The following RAD54B variants were observed in gnomAD, a reference collection of about 807,000 sequenced individuals.
RAD54B encodes the protein RAD54 homolog B.
In RAD54B, 78 loss-of-function variants were observed where a neutral mutation model predicts 95.8. The observed-to-expected ratio is 0.81, with a 90% CI of 0.68 to 0.98. The LOEUF is 0.98. Ranked by LOEUF, RAD54B falls within the 50% of genes least tolerant of loss-of-function variation. The pLI, the probability that RAD54B is intolerant of heterozygous loss-of-function variation, is 0.00. For synonymous variants in RAD54B, 328 were observed against 354.9 expected (o/e 0.92, Z 0.85); for missense variants, 957 against 1,056.6 (o/e 0.91, Z 1.31).
chr8:94,391,761 C>T lies in RAD54B; in HGVS notation c.1657G>A (p.Ala553Thr). ...TTTCGATAAAGCTCAATCTGTAGTG[C>T]TCCTGGTCGGCAAAAGACAACATTC... ...IENVVFCRPG[A>T]LQIELYRKLL... Residue 553 changes from alanine to threonine, a missense_variant, in exon 10 of 15, where the codon GCA (alanine) becomes ACA (threonine). Ala to Thr is a moderately conservative substitution (Grantham distance 58). Transcript: ENST00000336148. 1 of 1,614,026 alleles carries T rather than the reference C, an allele frequency of 6.2e-7. No individual in the cohort carries two copies. The highest frequency in any genetic ancestry group is 1.1e-5 in the South Asian group (1 of 91,068).
At chr8:94,446,634 T>C (rs554228489) in intron 3 of RAD54B, among the ~76,000 whole-genome samples, 1 of 152,352 alleles carries the variant, frequency 6.6e-6, no homozygotes, top group Admixed American at 6.5e-5. Flanking sequence ...TCCTGTCTCC[T>C]ATTTCCCACT....
chr8:94,457,861 T>C (rs1466734436), intron 3 of RAD54B, among the ~76,000 whole-genome samples: 1 of 152,190 alleles, frequency 6.6e-6, no homozygotes, highest in Non-Finnish European at 1.5e-5. Flanking sequence ...GTATGTATCA[T>C]AATAATTCAA....
Position 94,400,414 on chromosome 8 carries a change from T to TCC in RAD54B, c.992_993dup (p.Lys332GlyfsTer24). 1 of 1,613,554 alleles carries TCC rather than the reference T, an allele frequency of 6.2e-7. No individual in the cohort carries two copies. Among genetic ancestry groups the TCC allele is most frequent in the Non-Finnish European group, 8.5e-7 (1 of 1,179,758 alleles). ...ATGAGCGAAATACATTGCAATGTCT[T>TCC]CCCTAAACCCATTTCATCAGCAAGA... is the stretch of plus-strand genomic sequence containing the variant. On this transcript the variant is annotated frameshift_variant, in exon 7 of 15. Transcript: ENST00000336148. LOFTEE classifies it high-confidence loss of function.
At chr8:94,409,328 C>T (rs988243314) in intron 4 of RAD54B, among the ~76,000 whole-genome samples, 2 of 151,794 alleles carry the variant, frequency 1.3e-5, no homozygotes, top group African/African-American at 4.8e-5. Flanking sequence ...AAATCAGAGC[C>T]TCAAAGAAAG....
At position 94,391,740 on chromosome 8, in the gene RAD54B, G is replaced by A. The variant is rs1042539559; in HGVS notation, c.1678C>T (p.Arg560Ter). 27 of 1,613,828 alleles carry A rather than the reference G, an allele frequency of 1.7e-5. No individual in the cohort carries two copies. The highest frequency in any genetic ancestry group is 1.9e-5 in the Non-Finnish European group (23 of 1,180,000). The change falls in exon 10 of 15, where the codon CGA (arginine) becomes TGA (stop). Residue 560 changes from arginine (R) to a stop codon, truncating the protein, a stop_gained. Coordinates refer to ENST00000336148, the MANE Select transcript of RAD54B (RefSeq NM_012415.3). LOFTEE classifies it high-confidence loss of function. ...ACAACCTGAGAATTTAACAGCTTTC[G>A]ATAAAGCTCAATCTGTAGTGCTCCT... ...RPGALQIELY[R>*]KLLNSQVVRF...
chr8:94,413,666 C>T (rs1423746636), intron 3 of RAD54B, among the ~76,000 whole-genome samples: 3 of 151,668 alleles, frequency 2.0e-5, no homozygotes, highest in South Asian at 2.1e-4. Flanking sequence ...TACAAAAGCA[C>T]GAAACATAAA....
chr8:94,392,925 C>G (rs1180464266), intron 9 of RAD54B, among the ~76,000 whole-genome samples: 1 of 151,570 alleles, frequency 6.6e-6, no homozygotes, highest in African/African-American at 2.4e-5. Flanking sequence ...CAACCTCTGC[C>G]TCCCGGGTTC....
intron 6 of RAD54B, among the ~76,000 whole-genome samples, chr8:94,402,725 T>G (rs1385630749): frequency 2.0e-5 from 3 of 152,216 alleles, no homozygotes; most frequent in African/African-American, 7.2e-5. Context: ...GGGAATGCCA[T>G]GTTCAGAACT....
chr8:94,428,071 GT>G, intron 3 of RAD54B: 1 of 950,382 alleles, frequency 1.1e-6, no homozygotes, highest in Non-Finnish European at 1.3e-6. Flanking sequence ...ATCACAGCTA[GT>G]TTAGAAAATC....
intron 5 of RAD54B, among the ~76,000 whole-genome samples, 174 bp from the exon 6 acceptor site, chr8:94,404,413 T>C (rs963819174): frequency 3.9e-5 from 6 of 152,204 alleles, no homozygotes; most frequent in Non-Finnish European, 2.9e-5. Context: ...GAAAATCTCA[T>C]GCCTTACTGA....
intron 14 of RAD54B, among the ~76,000 whole-genome samples, 199 bp downstream of exon 14, chr8:94,377,975 CAAAAAA>C (rs59955111): frequency 5.2e-5 from 4 of 77,152 alleles, no homozygotes; most frequent in Admixed American, 1.7e-4. Context: ...GACTCCGTCT[CAAAAAA>C]AAAAAAAAAA....
chr8:94,412,007 T>C (rs1270306180), intron 3 of RAD54B, among the ~76,000 whole-genome samples: 1 of 152,150 alleles, frequency 6.6e-6, no homozygotes, highest in African/African-American at 2.4e-5. Context: ...TTCGGATCCT[T>C]TGACCAACAT....
At chr8:94,474,382 T>C (rs374522361) in intron 1 of RAD54B, among the ~76,000 whole-genome samples, 1 of 152,220 alleles carries the variant, frequency 6.6e-6, no homozygotes, top group East Asian at 1.9e-4. Context: ...AATAATTTTT[T>C]TGATAACAAA....
At position 94,381,367 on chromosome 8, in the gene RAD54B, C is replaced by T. The variant is rs372112022; in HGVS notation, c.1986-961G>A. 2.6e-5 allele frequency among the ~76,000 whole-genome samples: 4 copies of T among 152,168 alleles called. 1 individual carries two copies. The highest frequency in any genetic ancestry group is 6.3e-3 in the Middle Eastern group (2 of 316). ...TTACCCAATGATGATTATTAGTCAACGAGCCCTGCCTATCCATACAGTGTT... is the reference window on the plus strand; with the variant it reads ...TTACCCAATGATGATTATTAGTCAATGAGCCCTGCCTATCCATACAGTGTT... On this transcript the variant is annotated intron_variant, in intron 11 of 14. Coordinates refer to ENST00000336148, the MANE Select transcript of RAD54B (RefSeq NM_012415.3).
intron 3 of RAD54B, chr8:94,429,911 A>G: frequency 1.0e-6 from 1 of 985,352 alleles, no homozygotes; most frequent in Non-Finnish European, 1.2e-6. Flanking sequence ...TTCCAATACA[A>G]TGCCTGTCCC....
intron 3 of RAD54B, among the ~76,000 whole-genome samples, chr8:94,443,015 C>T (rs1351255104): frequency 6.6e-6 from 1 of 152,222 alleles, no homozygotes; most frequent in Admixed American, 6.5e-5. Context: ...AAAACCAGCA[C>T]ATGCCAATTG....
Position 94,372,220 on chromosome 8 carries a change from T to G in RAD54B, c.2683A>C (p.Asn895His). ...ATATTCTGAAAAATGAATGACACAT[T>G]TTCTGTTATTCTTTCAAGAAAAGGA... is the stretch of plus-strand genomic sequence containing the variant. The part of the protein sequence containing the change: ...TDPFLERITE[N>H]VSFIFQNITT... Residue 895 changes from asparagine to histidine, a missense_variant, in exon 15 of 15, where the codon AAT becomes CAT. Asn to His is a moderately conservative substitution (Grantham distance 68, BLOSUM62 1). Transcript: ENST00000336148. 1.2e-6 allele frequency: 2 copies of G among 1,611,976 alleles called. No individual in the cohort carries two copies. Among genetic ancestry groups the G allele is most frequent in the Non-Finnish European group, 1.7e-6 (2 of 1,179,374 alleles).
chr8:94,421,491 CT>C (rs1197993367), intron 3 of RAD54B, among the ~76,000 whole-genome samples: 2 of 152,118 alleles, frequency 1.3e-5, no homozygotes, highest in Non-Finnish European at 2.9e-5. Flanking sequence ...TACTAAAAAC[CT>C]TTTTTTCTCT....
At chr8:94,392,500 G>A (rs1563639666) in intron 9 of RAD54B, among the ~76,000 whole-genome samples, 2 of 152,174 alleles carry the variant, frequency 1.3e-5, no homozygotes, top group South Asian at 4.1e-4. Context: ...GACATCAAGT[G>A]ATCCACCTGC....
Sources: gnomAD v4.1 joint callset for allele counts (sites outside exome capture counted in the v4.1 genomes callset) on GRCh38, gnomAD v4.1.1 for gene constraint, MANE v1.5 for transcripts, NCBI Gene and HGNC (gene_info 2026-07-23, HGNC 2026-07-21) for gene names.